NTM: variants seen among roughly 807,000 people sequenced by gnomAD.
NTM encodes the protein neurotrimin.
In NTM, 13 loss-of-function variants were observed where a neutral mutation model predicts 42.1. The ratio of observed to expected loss-of-function variants is 0.31; its 90% CI spans 0.20 to 0.49. NTM has a LOEUF of 0.49. Among genes scored for constraint, NTM ranks in the 20% least tolerant of loss-of-function variants. The pLI is 0.99. For missense variants in NTM, 373 were observed against 452.8 expected, an observed-to-expected ratio of 0.82 and a Z score of 1.60; for synonymous variants, 187 against 179.2, an observed-to-expected ratio of 1.04 and a Z score of -0.35.
chr11:132,261,094 C>A (rs761676753), intron 4 of NTM, among the ~76,000 whole-genome samples: 33 of 152,166 alleles, frequency 2.2e-4, no homozygotes, highest in Non-Finnish European at 3.7e-4. Context: ...TGACGCAGGT[C>A]ACTCATTCCA....
intron 6 of NTM, among the ~76,000 whole-genome samples, chr11:132,314,017 C>T (rs2095355801): frequency 6.6e-6 from 1 of 151,558 alleles, no homozygotes; most frequent in Non-Finnish European, 1.5e-5. Context: ...CTCTTCATAG[C>T]CAAAAAATTA....
At chr11:131,407,814 G>A (rs368596256) in intron 1 of NTM, among the ~76,000 whole-genome samples, 2 of 152,154 alleles carry the variant, frequency 1.3e-5, no homozygotes, top group East Asian at 1.9e-4. Flanking sequence ...GATGAAGTTC[G>A]GGCCCACCCC....
chr11:131,796,532 C>T (rs891803174), intron 1 of NTM, among the ~76,000 whole-genome samples: 3 of 152,178 alleles, frequency 2.0e-5, no homozygotes, highest in Non-Finnish European at 4.4e-5. Context: ...GTGCCTGTCC[C>T]CTTTTCTGCC....
At chr11:132,036,305 T>G (rs1390932247) in intron 2 of NTM, among the ~76,000 whole-genome samples, 2 of 152,128 alleles carry the variant, frequency 1.3e-5, no homozygotes, top group African/African-American at 4.8e-5. Flanking sequence ...AAGTTCACAT[T>G]TTCTTCATAA....
At chr11:132,085,874 T>C (rs2059636054) in intron 2 of NTM, among the ~76,000 whole-genome samples, 1 of 152,186 alleles carries the variant, frequency 6.6e-6, no homozygotes, top group South Asian at 2.1e-4. Flanking sequence ...AGACAAAACA[T>C]ATTTTGAGAG....
chr11:132,252,742 G>A (rs2092088780), intron 4 of NTM, among the ~76,000 whole-genome samples: 1 of 152,174 alleles, frequency 6.6e-6, no homozygotes, highest in African/African-American at 2.4e-5. Context: ...AGCCGTCCAT[G>A]TGCACCATGA....
intron 2 of NTM, among the ~76,000 whole-genome samples, chr11:131,912,833 T>C (rs916578194): frequency 3.4e-4 from 51 of 152,168 alleles, no homozygotes; most frequent in African/African-American, 1.2e-3. Flanking sequence ...TGTTTTGGAC[T>C]GTATACTTAA....
intron 3 of NTM, among the ~76,000 whole-genome samples, chr11:132,161,549 T>C (rs2074291693): frequency 6.6e-6 from 1 of 151,992 alleles, no homozygotes; most frequent in Non-Finnish European, 1.5e-5. Flanking sequence ...TTTTTCATGT[T>C]GACCTTCGAT....
At chr11:132,134,747 A>ATATATATATATATCTATATC (rs2067518837) in intron 2 of NTM, among the ~76,000 whole-genome samples, 2 of 89,680 alleles carry the variant, frequency 2.2e-5, no homozygotes, top group African/African-American at 1.1e-4. Flanking sequence ...ATATATATAT[A>ATATATATATATATCTATATC]TATATATATA....
chr11:131,432,905 A>C (rs975276698), intron 1 of NTM, among the ~76,000 whole-genome samples: 1 of 116,064 alleles, frequency 8.6e-6, no homozygotes, highest in African/African-American at 3.4e-5. Context: ...CCCAGGCTGG[A>C]GTGCGGTGGC....
intron 1 of NTM, among the ~76,000 whole-genome samples, chr11:131,608,657 C>T (rs1247200986): frequency 6.6e-6 from 1 of 152,168 alleles, no homozygotes; most frequent in East Asian, 1.9e-4. Flanking sequence ...CCTTTCTTTT[C>T]AGCCTATCAA....
At chr11:131,859,632 C>T (rs1289863596) in intron 1 of NTM, among the ~76,000 whole-genome samples, 3 of 152,152 alleles carry the variant, frequency 2.0e-5, no homozygotes, top group South Asian at 2.1e-4. Flanking sequence ...TTTCTATAAC[C>T]GCTCTTTCCC....
At chr11:131,655,485 C>T (rs2067063644) in intron 1 of NTM, among the ~76,000 whole-genome samples, 1 of 152,208 alleles carries the variant, frequency 6.6e-6, no homozygotes, top group Non-Finnish European at 1.5e-5. Flanking sequence ...CAACAACCTC[C>T]AGGGCTTCCA....
chr11:132,192,559 A>G (rs900774541), intron 3 of NTM, among the ~76,000 whole-genome samples: 1 of 152,188 alleles, frequency 6.6e-6, no homozygotes, highest in African/African-American at 2.4e-5. Flanking sequence ...ATGCTTAAGT[A>G]TGTAGCCCAC....
At chr11:132,305,204 G>A (rs1373737645) in intron 4 of NTM, among the ~76,000 whole-genome samples, 1 of 152,156 alleles carries the variant, frequency 6.6e-6, no homozygotes, top group East Asian at 1.9e-4. Flanking sequence ...TCTCGCTGTG[G>A]CCACAAAAGA....
intron 1 of NTM, among the ~76,000 whole-genome samples, chr11:131,885,085 G>C (rs2050170836): frequency 1.3e-5 from 2 of 152,150 alleles, no homozygotes; most frequent in South Asian, 4.1e-4. Context: ...GAGTAGAGCA[G>C]GGTTGACAGA....
chr11:131,500,945 T>A (rs1327151305), intron 1 of NTM, among the ~76,000 whole-genome samples: 1 of 151,564 alleles, frequency 6.6e-6, no homozygotes, highest in Non-Finnish European at 1.5e-5. Context: ...TGCATAGTAT[T>A]CTATGGTGTA....
intron 1 of NTM, among the ~76,000 whole-genome samples, chr11:131,460,860 G>A (rs1371217597): frequency 1.3e-5 from 2 of 152,186 alleles, no homozygotes; most frequent in South Asian, 2.1e-4. Context: ...TGCCAAGAGA[G>A]TGCTTTTGAT....
chr11:132,271,881 A>G (rs1268142156), intron 4 of NTM, among the ~76,000 whole-genome samples: 1 of 151,716 alleles, frequency 6.6e-6, no homozygotes, highest in African/African-American at 2.4e-5. Context: ...CTAAACTTAA[A>G]TTTTTTTGAT....
Sources: gnomAD v4.1 joint callset for allele counts (sites outside exome capture counted in the v4.1 genomes callset) on GRCh38, gnomAD v4.1.1 for gene constraint, MANE v1.5 for transcripts, NCBI Gene and HGNC (gene_info 2026-07-23, HGNC 2026-07-21) for gene names.